The following IL4R variants were observed in gnomAD, a reference collection of about 807,000 sequenced individuals.
The protein encoded by IL4R is interleukin 4 receptor.
Under a neutral mutation model 41.5 loss-of-function variants are expected in IL4R, and 17 were observed. The ratio of observed to expected loss-of-function variants is 0.41; its 90% confidence interval spans 0.28 to 0.61. IL4R has a LOEUF of 0.61. Among genes scored for constraint, IL4R ranks in the 20% least tolerant of loss-of-function variants. IL4R has a pLI of 0.31. For missense variants in IL4R, 974 were observed against 1,043.1 expected (o/e 0.93, Z 0.91); for synonymous variants, 402 against 422.9 (o/e 0.95, Z 0.61).
chr16:27,355,940 C>A (rs553657956), intron 8 of IL4R, 33 bp downstream of exon 8: 1 of 1,484,762 alleles, frequency 6.7e-7, no homozygotes, highest in Non-Finnish European at 9.4e-7. Context: ...CCGAGCAGTC[C>A]CTCTGGAGTG....
At chr16:27,361,012 G>A in intron 10 of IL4R, 197 bp downstream of exon 10, 1 of 1,464,258 alleles carries the variant, frequency 6.8e-7, no homozygotes. Context: ...AGTTTCACTG[G>A]TGTGTCAGGT....
intron 7 of IL4R, among the ~76,000 whole-genome samples, chr16:27,353,055 T>G (rs943538546): frequency 3.3e-5 from 5 of 152,368 alleles, no homozygotes; most frequent in Admixed American, 2.6e-4. Flanking sequence ...TCTTACCTAC[T>G]TTTGTGTCCT....
intron 1 of IL4R, among the ~76,000 whole-genome samples, chr16:27,323,362 G>A (rs1474518783): frequency 2.0e-5 from 3 of 152,208 alleles, no homozygotes; most frequent in Non-Finnish European, 4.4e-5. Context: ...TGTGCTTGCA[G>A]GGAGAATATT....
intron 8 of IL4R, among the ~76,000 whole-genome samples, chr16:27,356,108 T>C (rs1258128313): frequency 1.3e-5 from 2 of 149,074 alleles, no homozygotes; most frequent in African/African-American, 5.0e-5. Flanking sequence ...TTTTTTTTTT[T>C]TGAGACGGAG....
intron 10 of IL4R, among the ~76,000 whole-genome samples, 188 bp from the exon 11 acceptor site, chr16:27,362,064 C>T (rs1213372404): frequency 6.6e-6 from 1 of 152,282 alleles, no homozygotes; most frequent in South Asian, 2.1e-4. Flanking sequence ...ATCCCAAAGA[C>T]ACAGACCCTA....
chr16:27,325,577 A>AG (rs1033398182), intron 1 of IL4R, among the ~76,000 whole-genome samples: 8 of 152,068 alleles, frequency 5.3e-5, no homozygotes, highest in Non-Finnish European at 8.8e-5. Flanking sequence ...CTGTCTCAAA[A>AG]AAAAAAAAAG....
At chr16:27,340,036 G>A in intron 2 of IL4R, 150 bp from the exon 3 acceptor site, 1 of 584,968 alleles carries the variant, frequency 1.7e-6, no homozygotes, top group Non-Finnish European at 3.1e-6. Flanking sequence ...CAGCCTTGGA[G>A]ACAGAGCGAG....
At position 27,362,892 on chromosome 16, in the gene IL4R, G is replaced by A. The variant is rs952302154; in HGVS notation, c.1540G>A (p.Gly514Ser). The change falls in exon 11 of 11, where the codon GGT (glycine) becomes AGT (serine). Residue 514 changes from glycine (G) to serine (S), a missense_variant. Gly to Ser is a moderately conservative substitution (Grantham distance 56). Coordinates refer to ENST00000395762, the MANE Select transcript of IL4R (RefSeq NM_000418.4). ...LSQSPCPREL[G>S]PDPLLARHLE... ...CCAGTCACCGTGTCCCAGAGAGCTG[G>A]GTCCAGACCCACTGCTGGCCAGACA... The A allele has an allele frequency of 1.9e-6, 3 of 1,614,120 alleles. No homozygotes were observed. The highest frequency in any genetic ancestry group is 2.5e-6 in the Non-Finnish European group (3 of 1,180,026).
At position 27,363,094 on chromosome 16, in the gene IL4R, C is replaced by T. The variant is rs765803011; in HGVS notation, c.1742C>T (p.Ala581Val). The change falls in exon 11 of 11, where the codon GCG (alanine) becomes GTG (valine). Residue 581 changes from alanine to valine, a missense_variant. Ala to Val is a moderately conservative substitution (Grantham distance 64). This residue lies in a region of IL4R where 682 missense variants were observed against 704.3 expected (regional missense o/e 0.97). Transcript: ENST00000395762. The part of the protein sequence containing the change: ...PTSGYQEFVH[A>V]VEQGGTQASA... ...AGTGGCTATCAGGAGTTTGTACATGCGGTGGAGCAGGGTGGCACCCAGGCC... is the reference window on the plus strand; with the variant it reads ...AGTGGCTATCAGGAGTTTGTACATGTGGTGGAGCAGGGTGGCACCCAGGCC... 6.2e-6 allele frequency: 10 copies of T among 1,613,952 alleles called. No individual in the cohort carries two copies. The highest frequency in any genetic ancestry group is 3.3e-5 in the Admixed American group (2 of 59,998).
chr16:27,330,840 T>G lies in IL4R; in HGVS notation c.-19+642T>G, dbSNP rs2085094976. On this transcript the variant is annotated intron_variant, in intron 2 of 10. Coordinates refer to ENST00000395762, the MANE Select transcript of IL4R (RefSeq NM_000418.4). The stretch of plus-strand genomic sequence containing the variant: ...AACTGGCTTTTTTCACTCTAGGGCT[T>G]GGATTTTATTCTAAGTCAGAGATGC... Among the ~76,000 whole-genome samples, 3 of 152,090 alleles carry G rather than the reference T, an allele frequency of 2.0e-5. 1 individual carries two copies. The highest frequency in any genetic ancestry group is 4.4e-5 in the Non-Finnish European group (3 of 67,994).
rs199920135 is a variant in IL4R at position 27,346,630 on chromosome 16, T to C, written c.513+12T>C. ...ACGACCCGGCAGATGTGAGTGGGCA[T>C]GCTTTGACGTTTTTCTGTGACCTCT... On this transcript the variant is annotated intron_variant, in intron 6 of 10. Transcript: ENST00000395762. 643 of 1,613,584 alleles carry C rather than the reference T, an allele frequency of 4.0e-4. 3 individuals carry two copies. The highest frequency in any genetic ancestry group is 1.6e-4 in the Middle Eastern group (1 of 6,084).
At chr16:27,355,992 G>A (rs2086061160) in intron 8 of IL4R, 85 bp downstream of exon 8, 1 of 822,548 alleles carries the variant, frequency 1.2e-6, no homozygotes, top group Non-Finnish European at 2.1e-6. Flanking sequence ...CCCCTTTGCA[G>A]TCCTCTCAGT....
rs759162058 is a variant in IL4R at position 27,344,880 on chromosome 16, G to A, written c.221G>A (p.Cys74Tyr). The change falls in exon 5 of 11, where the codon TGT becomes TAT. Residue 74 changes from cysteine to tyrosine, a missense_variant. By Grantham distance (194) the Cys-to-Tyr change is radical (BLOSUM62 -2). Around this residue, in one of 3 missense-constraint regions of IL4R, gnomAD observed 284 missense variants for 313.4 expected, o/e 0.91. Transcript: ENST00000395762. ...CCCTGTGTCTGCAGAGCCCACACGT[G>A]TATCCCTGAGAACAACGGAGGCGCG... ...LVFLLSEAHT[C>Y]IPENNGGAGC... 6.2e-7 allele frequency: 1 copy of A among 1,614,200 alleles called. No individual in the cohort carries two copies. Among genetic ancestry groups the A allele is most frequent in the South Asian group, 1.1e-5 (1 of 91,086 alleles).
In IL4R at chr16:27,331,227, G is replaced by T. The variant is rs139354599; in HGVS notation, c.-19+1029G>T. Among the ~76,000 whole-genome samples, 4 of 152,166 alleles carry T rather than the reference G, an allele frequency of 2.6e-5. No individual in the cohort carries two copies. In the East Asian group the frequency reaches 7.7e-4, roughly 29 times the overall value. ...CACCTTGCCAGAAACAGGGTTTGGG[G>T]TTTACATTAGATGCTCAGATAGGTC... On this transcript the variant is annotated intron_variant, in intron 2 of 10. Transcript: ENST00000395762.
intron 1 of IL4R, among the ~76,000 whole-genome samples, chr16:27,325,118 G>A (rs1319248577): frequency 6.6e-6 from 1 of 150,900 alleles, no homozygotes; most frequent in Non-Finnish European, 1.5e-5. Flanking sequence ...GTTGTCCCCG[G>A]CCTGCCAACC....
intron 6 of IL4R, among the ~76,000 whole-genome samples, chr16:27,349,747 T>G (rs1292703663): frequency 1.3e-5 from 2 of 151,992 alleles, no homozygotes; most frequent in Non-Finnish European, 2.9e-5. Flanking sequence ...GGGCTGAGTT[T>G]TTGTTGTTGT....
intron 10 of IL4R, among the ~76,000 whole-genome samples, chr16:27,361,333 G>A (rs1050748193): frequency 6.6e-6 from 1 of 152,038 alleles, no homozygotes; most frequent in Non-Finnish European, 1.5e-5. Flanking sequence ...TGTAATTCCA[G>A]CTACTCAGGA....
At chr16:27,353,455 T>C (rs1005715617) in intron 7 of IL4R, among the ~76,000 whole-genome samples, 12 of 152,218 alleles carry the variant, frequency 7.9e-5, no homozygotes, top group African/African-American at 2.4e-4. Context: ...TTTATTAAGA[T>C]CTATAAATAA....
At chr16:27,340,296 T>C in intron 3 of IL4R, 23 bp downstream of exon 3, 1 of 1,594,786 alleles carries the variant, frequency 6.3e-7, no homozygotes. Context: ...TTCTCAATCA[T>C]TCATTTGTTG....
Sources: allele counts gnomAD v4.1 joint callset (sites outside exome capture counted in the v4.1 genomes callset), GRCh38; gene constraint gnomAD v4.1.1; regional missense constraint gnomAD v4.1.1; transcripts MANE v1.5; gene names NCBI Gene and HGNC (gene_info 2026-07-23, HGNC 2026-07-21).